The following EYS variants were observed in gnomAD, a reference collection of about 807,000 sequenced individuals.
EYS encodes protein eyes shut homolog.
EYS carries 250 observed loss-of-function variants against 282.1 expected under a neutral mutation model. That is an observed-to-expected ratio of 0.89 (90% confidence interval 0.80 to 0.98). The LOEUF is 0.98. Ranked by LOEUF, EYS falls within the 50% of genes least tolerant of loss-of-function variation. The pLI is 0.00. For missense variants in EYS, 4,016 were observed against 3,709.0 expected, an observed-to-expected ratio of 1.08 and a Z score of -2.15; for synonymous variants, 1,355 against 1,282.9, an observed-to-expected ratio of 1.06 and a Z score of -1.20.
intron 26 of EYS, among the ~76,000 whole-genome samples, chr6:64,515,282 A>C (rs184392921): frequency 6.6e-6 from 1 of 151,856 alleles, no homozygotes; most frequent in African/African-American, 2.4e-5. Flanking sequence ...TACTTTCTGT[A>C]AGAATAAGAA....
intron 33 of EYS, among the ~76,000 whole-genome samples, chr6:64,020,846 T>C (rs916905169): frequency 6.6e-6 from 1 of 152,176 alleles, no homozygotes; most frequent in African/African-American, 2.4e-5. Context: ...GTTAAAATAA[T>C]GTATTATTAA....
intron 22 of EYS, among the ~76,000 whole-genome samples, chr6:64,756,712 A>G (rs549253657): frequency 1.3e-5 from 2 of 152,218 alleles, no homozygotes; most frequent in African/African-American, 4.8e-5. Flanking sequence ...CACAGAATAC[A>G]TCTTAGATGA....
chr6:64,219,316 G>A lies in EYS; in HGVS notation c.6424+11276C>T, dbSNP rs1038355438. Among the ~76,000 whole-genome samples the A allele has an allele frequency of 7.2e-5, 11 of 152,282 alleles. No individual in the cohort carries two copies. The East Asian group carries it at 1.9e-3, about 27-fold the overall frequency. On this transcript the variant is annotated intron_variant, in intron 31 of 42. Coordinates refer to ENST00000503581, the MANE Select transcript of EYS (RefSeq NM_001142800.2). ...TTCAATACCTACAAGTGACCTGAGAGCTATGGGATATTCCCAGGTTGTCAC... is the reference window on the plus strand; with the variant it reads ...TTCAATACCTACAAGTGACCTGAGAACTATGGGATATTCCCAGGTTGTCAC...
At chr6:64,812,449 C>T (rs1268422646) in intron 22 of EYS, among the ~76,000 whole-genome samples, 3 of 151,928 alleles carry the variant, frequency 2.0e-5, no homozygotes, top group Non-Finnish European at 2.9e-5. Flanking sequence ...TAGAGATACA[C>T]ACCAAATAAA....
intron 31 of EYS, among the ~76,000 whole-genome samples, chr6:64,117,415 T>C (rs889227251): frequency 2.1e-5 from 3 of 142,596 alleles, no homozygotes; most frequent in African/African-American, 7.6e-5. Context: ...AAAAGATCAA[T>C]GAAACTAAGA....
At chr6:65,391,518 CA>C (rs1766030228) in intron 7 of EYS, among the ~76,000 whole-genome samples, 1 of 152,148 alleles carries the variant, frequency 6.6e-6, no homozygotes, top group Non-Finnish European at 1.5e-5. Flanking sequence ...CATTCTTATA[CA>C]CCAACAACAG....
intron 12 of EYS, 163 bp downstream of exon 12, chr6:65,295,700 T>C (rs901999633): frequency 1.3e-5 from 8 of 625,364 alleles, no homozygotes; most frequent in Non-Finnish European, 2.1e-5. Context: ...AGCAATCCTA[T>C]TATTCAAGTG....
chr6:63,731,158 A>G (rs574345164), intron 41 of EYS, among the ~76,000 whole-genome samples: 2 of 152,334 alleles, frequency 1.3e-5, no homozygotes, highest in Admixed American at 6.5e-5. Flanking sequence ...ACTACACTCT[A>G]AAGTGTCCAC....
chr6:65,348,805 T>G (rs1043601851), intron 9 of EYS, among the ~76,000 whole-genome samples: 1 of 151,630 alleles, frequency 6.6e-6, no homozygotes, highest in African/African-American at 2.4e-5. Flanking sequence ...ATATGCTGGA[T>G]AGTTTCCCCA....
intron 30 of EYS, among the ~76,000 whole-genome samples, chr6:64,279,366 A>T (rs1195222938): frequency 3.3e-5 from 5 of 152,096 alleles, no homozygotes. Context: ...AAACAAATGG[A>T]TCTCCTTTTT....
At chr6:64,419,837 T>G (rs970266218) in intron 28 of EYS, among the ~76,000 whole-genome samples, 5 of 152,232 alleles carry the variant, frequency 3.3e-5, no homozygotes, top group African/African-American at 1.2e-4. Flanking sequence ...CTGTGGCTTT[T>G]CCAGGCACAC....
intron 26 of EYS, among the ~76,000 whole-genome samples, chr6:64,549,361 TG>T (rs1296396748): frequency 6.6e-6 from 1 of 152,230 alleles, no homozygotes; most frequent in African/African-American, 2.4e-5. Flanking sequence ...TTTTAGAATT[TG>T]TCCATGTCAT....
chr6:65,443,159 T>C (rs984926958), intron 5 of EYS, among the ~76,000 whole-genome samples: 6 of 145,388 alleles, frequency 4.1e-5, no homozygotes, highest in Non-Finnish European at 7.8e-5. Flanking sequence ...ATCATACACA[T>C]ATATGAGCAC....
Position 65,495,151 on chromosome 6 carries a change from A to G in EYS, c.260T>C (p.Ile87Thr). The G allele has an allele frequency of 6.2e-7, 1 of 1,614,034 alleles. No homozygotes were observed. Among genetic ancestry groups the G allele is most frequent in the Non-Finnish European group, 8.5e-7 (1 of 1,179,920 alleles). Residue 87 changes from isoleucine (I) to threonine (T), a missense_variant, in exon 4 of 43, where the codon ATC becomes ACC. By Grantham distance (89) the Ile-to-Thr change is moderately conservative. Transcript: ENST00000503581. ...ICPLQIQLGD[I>T]LVISSEPSLQ... ...AGATGGTTCAGAAGAAATTACAAGG[A>G]TATCTCCTAATTGAATTTGCAAAGG...
intron 7 of EYS, among the ~76,000 whole-genome samples, chr6:65,385,411 C>T (rs977768806): frequency 6.6e-6 from 1 of 151,880 alleles, no homozygotes; most frequent in African/African-American, 2.4e-5. Flanking sequence ...ATTTACCTTT[C>T]CTATAGTTTG....
chr6:64,737,329 A>G (rs1427576455), intron 22 of EYS, among the ~76,000 whole-genome samples: 1 of 152,212 alleles, frequency 6.6e-6, no homozygotes, highest in African/African-American at 2.4e-5. Context: ...CTACTTTAGT[A>G]AAAGACCAAG....
chr6:65,105,887 C>T (rs1400055452), intron 12 of EYS, among the ~76,000 whole-genome samples: 1 of 151,572 alleles, frequency 6.6e-6, no homozygotes, highest in Non-Finnish European at 1.5e-5. Flanking sequence ...TAAATCTTTA[C>T]TCATATGTAA....
At chr6:64,205,403 T>C (rs1478872790) in intron 31 of EYS, among the ~76,000 whole-genome samples, 1 of 152,130 alleles carries the variant, frequency 6.6e-6, no homozygotes, top group African/African-American at 2.4e-5. Context: ...GTTGATTCAT[T>C]AGCCTGACGA....
chr6:64,860,472 A>G (rs9354170), intron 19 of EYS, among the ~76,000 whole-genome samples: 23,666 of 152,238 alleles, frequency 0.16, 2,169 homozygotes, highest in East Asian at 0.49. Context: ...CACTGGTGTC[A>G]GCTCCCTGTG....
Sources: gnomAD v4.1 joint callset for allele counts (sites outside exome capture counted in the v4.1 genomes callset) on GRCh38, gnomAD v4.1.1 for gene constraint, MANE v1.5 for transcripts, NCBI Gene and HGNC (gene_info 2026-07-23, HGNC 2026-07-21) for gene names.